EPB41L2: variants seen among roughly 807,000 people sequenced by gnomAD.
EPB41L2 encodes the protein band 4.1-like protein 2.
In EPB41L2, 43 loss-of-function variants were observed where a neutral mutation model predicts 113.0. That is an observed-to-expected ratio of 0.38 (90% confidence interval 0.30 to 0.49). The LOEUF is 0.49. Among genes scored for constraint, EPB41L2 ranks in the 20% least tolerant of loss-of-function variants. EPB41L2 has a pLI of 0.95. For missense variants in EPB41L2, 1,147 were observed against 1,223.4 expected (o/e 0.94, Z 0.93); for synonymous variants, 442 against 436.7 (o/e 1.01, Z -0.15).
rs990100930 is a variant in EPB41L2 at position 130,949,699 on chromosome 6, T to C, written c.705+5406A>G. Among the ~76,000 whole-genome samples the C allele has an allele frequency of 1.3e-4, 20 of 152,152 alleles. 1 individual carries two copies. The highest frequency in any genetic ancestry group is 4.2e-4 in the South Asian group (2 of 4,816). On this transcript the variant is annotated intron_variant, in intron 3 of 19. Coordinates refer to ENST00000337057, the MANE Select transcript of EPB41L2 (RefSeq NM_001431.4). ...AATGGTAATGAAAGCACTATATAGT[T>C]GACTCTTGAACAACACAGGTCTGAA...
chr6:131,053,398 T>C (rs139773854), intron 1 of EPB41L2, among the ~76,000 whole-genome samples: 269 of 133,236 alleles, frequency 2.0e-3, no homozygotes, highest in African/African-American at 7.2e-3. Flanking sequence ...GAGACCCTCA[T>C]TAGGAGACGG....
At chr6:130,954,070 T>TTTTTTTTTTTTTTTTG in intron 3 of EPB41L2, among the ~76,000 whole-genome samples, 1 of 116,672 alleles carries the variant, frequency 8.6e-6, no homozygotes, top group African/African-American at 3.7e-5. Flanking sequence ...TTTTTTTTTT[T>TTTTTTTTTTTTTTTTG]GAGACGGAGT....
At chr6:130,875,256 T>C (rs1787146814) in intron 14 of EPB41L2, among the ~76,000 whole-genome samples, 1 of 152,216 alleles carries the variant, frequency 6.6e-6, no homozygotes, top group Admixed American at 6.5e-5. Flanking sequence ...ATCTCTGTTC[T>C]CATTCACAGC....
chr6:130,843,091 G>A (rs1776008951), intron 19 of EPB41L2, among the ~76,000 whole-genome samples: 1 of 152,182 alleles, frequency 6.6e-6, no homozygotes. Context: ...GTAACTTATT[G>A]TACGAAGACT....
chr6:130,919,110 C>T (rs928987296), intron 4 of EPB41L2, among the ~76,000 whole-genome samples: 1 of 152,138 alleles, frequency 6.6e-6, no homozygotes, highest in Non-Finnish European at 1.5e-5. Context: ...TAAATATTCA[C>T]ACCTGAAAAG....
At position 130,865,579 on chromosome 6, in the gene EPB41L2, G is replaced by A; in HGVS notation, c.2786C>T (p.Thr929Ile). ...SGTLLTAQTI[T>I]SESVSTTTTT... ...TGTCGTTGTTGACACGGACTCAGAT[G>A]TGATGGTTTGTGCGGTCAGTAACGT... The change falls in exon 17 of 20, where the codon ACA (threonine) becomes ATA (isoleucine). Residue 929 changes from threonine to isoleucine, a missense_variant. By Grantham distance (89) the Thr-to-Ile change is moderately conservative. Coordinates refer to ENST00000337057, the MANE Select transcript of EPB41L2 (RefSeq NM_001431.4). 6.2e-7 allele frequency: 1 copy of A among 1,614,172 alleles called. No homozygotes were observed. Among genetic ancestry groups the A allele is most frequent in the Non-Finnish European group, 8.5e-7 (1 of 1,180,026 alleles).
At chr6:130,913,085 T>C (rs1399768814) in intron 4 of EPB41L2, among the ~76,000 whole-genome samples, 1 of 152,200 alleles carries the variant, frequency 6.6e-6, no homozygotes, top group Non-Finnish European at 1.5e-5. Context: ...ACTAACCCTG[T>C]GTCCCAGCCA....
chr6:130,952,041 A>C (rs1275316149), intron 3 of EPB41L2, among the ~76,000 whole-genome samples: 1 of 152,216 alleles, frequency 6.6e-6, no homozygotes, highest in Non-Finnish European at 1.5e-5. Context: ...GGCTACTGCA[A>C]CATAACCTAG....
intron 19 of EPB41L2, among the ~76,000 whole-genome samples, chr6:130,840,874 G>T (rs978247857): frequency 2.0e-5 from 3 of 152,126 alleles, no homozygotes; most frequent in Non-Finnish European, 4.4e-5. Flanking sequence ...ATAAAACAGA[G>T]ACAATTCATA....
chr6:130,895,010 G>C lies in EPB41L2; in HGVS notation c.1346C>G (p.Ser449Cys). 6.2e-7 allele frequency: 1 copy of C among 1,613,920 alleles called. No homozygotes were observed. Among genetic ancestry groups the C allele is most frequent in the Non-Finnish European group, 8.5e-7 (1 of 1,179,850 alleles). Residue 449 changes from serine (S) to cysteine (C), a missense_variant, in exon 9 of 20, where the codon TCC (serine) becomes TGC (cysteine). Coordinates refer to ENST00000337057, the MANE Select transcript of EPB41L2 (RefSeq NM_001431.4). ...RFAWPKILKI[S>C]YKRSNFYIKV... The stretch of plus-strand genomic sequence containing the variant: ...AATGTAGAAGTTACTGCGTTTATAG[G>C]AAATTTTTAAGATTTTCGGCCAAGC...
chr6:130,911,879 C>G (rs1033670084), intron 4 of EPB41L2, among the ~76,000 whole-genome samples: 1 of 148,408 alleles, frequency 6.7e-6, no homozygotes, highest in Non-Finnish European at 1.5e-5. Flanking sequence ...TAAGCAGTGT[C>G]CAAAATAATA....
chr6:130,897,597 T>C (rs980223344), intron 8 of EPB41L2, among the ~76,000 whole-genome samples: 3 of 152,242 alleles, frequency 2.0e-5, no homozygotes, highest in African/African-American at 4.8e-5. Context: ...GATTTGCATG[T>C]GGTAAGAATG....
rs183851437 is a variant in EPB41L2 at position 131,050,596 on chromosome 6, C to A, written c.-15+12559G>T. ...AGAACCTTCCTTTTTGTTTTACCAT[C>A]CCTAAAACCCACACTCGAAAATCCC... is the stretch of plus-strand genomic sequence containing the variant. On this transcript the variant is annotated intron_variant, in intron 1 of 19. Transcript: ENST00000337057. Among the ~76,000 whole-genome samples, 648 of 152,262 alleles carry A rather than the reference C, an allele frequency of 4.3e-3. 5 individuals carry two copies. The highest frequency in any genetic ancestry group is 7.2e-3 in the Non-Finnish European group (491 of 68,028).
intron 1 of EPB41L2, among the ~76,000 whole-genome samples, chr6:130,968,739 T>TG (rs1007791243): frequency 2.6e-5 from 4 of 152,094 alleles, no homozygotes; most frequent in Non-Finnish European, 5.9e-5. Context: ...CCTTTTTTTT[T>TG]TTTTTTTAAA....
At chr6:130,854,452 G>A (rs892321412) in intron 19 of EPB41L2, among the ~76,000 whole-genome samples, 1 of 152,098 alleles carries the variant, frequency 6.6e-6, no homozygotes, top group Non-Finnish European at 1.5e-5. Flanking sequence ...CCTCTGAGAT[G>A]GGCAAACTTC....
At chr6:130,899,645 G>T in intron 7 of EPB41L2, 67 bp from the exon 8 acceptor site, 2 of 1,431,546 alleles carry the variant, frequency 1.4e-6, no homozygotes. Flanking sequence ...AGAATGGGAG[G>T]AGTGTCTGTG....
At chr6:131,050,862 G>A (rs1040161001) in intron 1 of EPB41L2, among the ~76,000 whole-genome samples, 12 of 152,140 alleles carry the variant, frequency 7.9e-5, no homozygotes. Context: ...CCAAAGTGCT[G>A]GGATTACAGG....
chr6:130,874,684 C>A (rs1786926647), intron 14 of EPB41L2, among the ~76,000 whole-genome samples: 1 of 152,108 alleles, frequency 6.6e-6, no homozygotes, highest in Non-Finnish European at 1.5e-5. Context: ...AGGAAAAGAA[C>A]AGAAAAACAA....
chr6:131,017,026 C>T (rs4897484), intron 1 of EPB41L2, among the ~76,000 whole-genome samples: 41,607 of 151,932 alleles, frequency 0.27, 6,915 homozygotes, highest in Non-Finnish European at 0.37. Flanking sequence ...TATACCTAGA[C>T]ATTAAATTGT....
Sources: allele counts gnomAD v4.1 joint callset (sites outside exome capture counted in the v4.1 genomes callset), GRCh38; gene constraint gnomAD v4.1.1; transcripts MANE v1.5; gene names NCBI Gene and HGNC (gene_info 2026-07-23, HGNC 2026-07-21).